The following CCDC7 variants were observed in gnomAD, a reference collection of about 807,000 sequenced individuals.
CCDC7 encodes coiled-coil domain-containing protein 7.
In CCDC7, 183 loss-of-function variants were observed where a neutral mutation model predicts 196.9. That is an observed-to-expected ratio of 0.93 (90% CI 0.82 to 1.05). The LOEUF (loss-of-function observed/expected upper bound fraction) is 1.05, where lower values mean the gene tolerates loss of function less well. Among genes scored for constraint, CCDC7 ranks in the 50% least tolerant of loss-of-function variants. CCDC7 has a pLI of 0.00. For synonymous variants in CCDC7, 525 were observed against 484.6 expected (o/e 1.08, Z -1.10); for missense variants, 1,540 against 1,482.2 (o/e 1.04, Z -0.64).
chr10:32,711,214 GTA>G, intron 24 of CCDC7, among the ~76,000 whole-genome samples: 1 of 151,294 alleles, frequency 6.6e-6, no homozygotes, highest in East Asian at 1.9e-4. Flanking sequence ...GTGTGTGTGT[GTA>G]TATATATATG....
At chr10:32,783,501 A>AAATAAGGAATGTTG (rs1206855849) in intron 29 of CCDC7, among the ~76,000 whole-genome samples, 1 of 152,190 alleles carries the variant, frequency 6.6e-6, no homozygotes, top group African/African-American at 2.4e-5. Context: ...TAAAAACAGA[A>AAATAAGGAATGTTG]AATAAGGAAT....
At chr10:32,483,074 A>G (rs1267681651) in intron 8 of CCDC7, among the ~76,000 whole-genome samples, 2 of 152,232 alleles carry the variant, frequency 1.3e-5, no homozygotes, top group African/African-American at 2.4e-5. Context: ...GAATCACCAC[A>G]CTGCCTTCCA....
At chr10:32,663,960 A>G in intron 20 of CCDC7, 94 bp from the exon 22 acceptor site, 1 of 363,868 alleles carries the variant, frequency 2.7e-6, no homozygotes, top group Middle Eastern at 7.3e-4. Flanking sequence ...TATAAAAATG[A>G]GACAGAATAT....
At chr10:32,594,528 G>C (rs896006438) in intron 18 of CCDC7, among the ~76,000 whole-genome samples, 7 of 152,220 alleles carry the variant, frequency 4.6e-5, no homozygotes, top group African/African-American at 1.7e-4. Flanking sequence ...TTTCCTAATT[G>C]AATACCCTTT....
intron 28 of CCDC7, among the ~76,000 whole-genome samples, chr10:32,751,442 G>A: frequency 6.6e-6 from 1 of 152,126 alleles, no homozygotes; most frequent in African/African-American, 2.4e-5. Flanking sequence ...ATGAATATTT[G>A]GTGGGAGCAT....
chr10:32,618,289 A>C (rs1018417696), intron 18 of CCDC7, among the ~76,000 whole-genome samples: 4 of 151,466 alleles, frequency 2.6e-5, no homozygotes, highest in Admixed American at 6.6e-5. Flanking sequence ...AATTGTTTTA[A>C]ATTTTTTTAT....
intron 10 of CCDC7, among the ~76,000 whole-genome samples, chr10:32,518,176 C>T (rs971978551): frequency 6.6e-6 from 1 of 152,166 alleles, no homozygotes; most frequent in African/African-American, 2.4e-5. Context: ...AGAAACTCTT[C>T]ACTTCTGAAA....
rs779341941 is a variant in CCDC7, at chr10:32,633,696, A to ATATATGTGTG, written c.1802-557_1802-556insATATGTGTGT. On this transcript the variant is annotated intron_variant, in intron 18 of 41. Transcript: ENST00000639629. ...TTTAGCTTTGTGTATATATATATAT[A>ATATATGTGTG]TGTGTGTGTGTGTGTGTGTGTGTGT... is the stretch of plus-strand genomic sequence containing the variant. Among the ~76,000 whole-genome samples, 867 of 135,196 alleles carry ATATATGTGTG rather than the reference A, an allele frequency of 6.4e-3. 4 individuals carry two copies. The highest frequency in any genetic ancestry group is 0.021 in the South Asian group (77 of 3,660). The allele number at this position is 135,196 out of a possible 152,430, so 88.7% of individuals were successfully genotyped here.
chr10:32,480,439 A>G (rs931529999), intron 8 of CCDC7, among the ~76,000 whole-genome samples: 4 of 152,174 alleles, frequency 2.6e-5, no homozygotes, highest in Admixed American at 6.5e-5. Flanking sequence ...TCTCTCACTT[A>G]GCCTCCTTAG....
At chr10:32,709,561 A>G (rs2080454409) in intron 24 of CCDC7, among the ~76,000 whole-genome samples, 1 of 152,142 alleles carries the variant, frequency 6.6e-6, no homozygotes, top group African/African-American at 2.4e-5. Flanking sequence ...TTCCTATGGA[A>G]ATCTAATGCC....
chr10:32,481,596 A>G lies in CCDC7; in HGVS notation c.796+7573A>G, dbSNP rs1260587988. ...CAATATTATGGTATGTAATTTTACT[A>G]TATACACACTTTCACCAGTGAGTTT... On this transcript the variant is annotated intron_variant, in intron 8 of 41. Transcript: ENST00000639629. The G allele has an allele frequency of 7.2e-5, 11 of 152,190 alleles. No homozygotes were observed. The East Asian group carries it at 2.1e-3, about 29-fold the overall frequency. The allele number at this position is 152,190 out of a possible 1,614,324, so 9.4% of individuals were successfully genotyped here.
At chr10:32,740,143 C>T (rs955442641) in intron 28 of CCDC7, among the ~76,000 whole-genome samples, 14 of 152,032 alleles carry the variant, frequency 9.2e-5, no homozygotes, top group Non-Finnish European at 1.9e-4. Context: ...CTGGGTATTT[C>T]CCTTCCCCGT....
At chr10:32,828,485 G>GAAGAAGAAGAAGAAAGAAGAA (rs1491309680) in intron 32 of CCDC7, among the ~76,000 whole-genome samples, 1 of 49,676 alleles carries the variant, frequency 2.0e-5, no homozygotes, top group African/African-American at 6.3e-5. Flanking sequence ...AAGAGGAAGA[G>GAAGAAGAAGAAGAAAGAAGAA]GAAGAAGAAG....
intron 41 of CCDC7, among the ~76,000 whole-genome samples, chr10:32,874,688 T>C (rs114919187): frequency 0.039 from 5,705 of 147,444 alleles, 381 homozygotes; most frequent in African/African-American, 0.14. Context: ...CACACACACA[T>C]ACACACATAT....
intron 21 of CCDC7, among the ~76,000 whole-genome samples, chr10:32,673,035 A>G (rs1465580136): frequency 1.3e-5 from 2 of 152,106 alleles, no homozygotes; most frequent in South Asian, 2.1e-4. Flanking sequence ...TGTTTCCCCA[A>G]TGCTATTGAG....
At chr10:32,564,743 G>A (rs2056475347) in intron 13 of CCDC7, among the ~76,000 whole-genome samples, 1 of 151,820 alleles carries the variant, frequency 6.6e-6, no homozygotes, top group African/African-American at 2.4e-5. Flanking sequence ...CATGGCACAT[G>A]TATACATATG....
chr10:32,745,517 G>T (rs2074568465), intron 28 of CCDC7, among the ~76,000 whole-genome samples: 1 of 152,046 alleles, frequency 6.6e-6, no homozygotes, highest in Non-Finnish European at 1.5e-5. Flanking sequence ...TTAACAATCA[G>T]ATCTATAGGA....
intron 24 of CCDC7, among the ~76,000 whole-genome samples, chr10:32,707,406 G>C (rs1440665813): frequency 6.6e-6 from 1 of 152,066 alleles, no homozygotes; most frequent in African/African-American, 2.4e-5. Context: ...TTTGAAAACT[G>C]GCACAAGACA....
At chr10:32,776,760 A>G (rs538989922) in intron 28 of CCDC7, among the ~76,000 whole-genome samples, 1 of 152,344 alleles carries the variant, frequency 6.6e-6, no homozygotes, top group African/African-American at 2.4e-5. Context: ...TTGAATAATT[A>G]GTATGTTAAA....
Sources: allele counts gnomAD v4.1 joint callset (sites outside exome capture counted in the v4.1 genomes callset), GRCh38; gene constraint gnomAD v4.1.1; transcripts MANE v1.5; gene names NCBI Gene and HGNC (gene_info 2026-07-23, HGNC 2026-07-21).